The following SEC24A variants were observed in gnomAD, a reference collection of about 807,000 sequenced individuals.
The protein encoded by SEC24A is protein transport protein Sec24A.
A neutral mutation model predicts 129.4 loss-of-function variants in SEC24A; 93 were observed. The observed-to-expected ratio is 0.72, with a 90% CI of 0.61 to 0.85. The LOEUF (loss-of-function observed/expected upper bound fraction) is 0.85, where lower values mean the gene tolerates loss of function less well. Ranked by LOEUF, SEC24A falls within the 40% of genes least tolerant of loss-of-function variation. SEC24A has a pLI of 0.00. For synonymous variants in SEC24A, 460 were observed against 467.3 expected (o/e 0.98, Z 0.20); for missense variants, 1,264 against 1,307.4 (o/e 0.97, Z 0.51).
At chr5:134,697,442 A>C (rs1250813530) in intron 14 of SEC24A, among the ~76,000 whole-genome samples, 196 bp downstream of exon 14, 2 of 152,170 alleles carry the variant, frequency 1.3e-5, no homozygotes, top group Non-Finnish European at 2.9e-5. Context: ...CTATTCTACT[A>C]TTTAAAGGAA....
At position 134,682,453 on chromosome 5, in the gene SEC24A, A is replaced by T. The variant is rs1330174364; in HGVS notation, c.1462A>T (p.Ile488Phe). The T allele has an allele frequency of 6.3e-7, 1 of 1,599,904 alleles. No individual in the cohort carries two copies. Among genetic ancestry groups the T allele is most frequent in the African/African-American group, 1.3e-5 (1 of 74,634 alleles). Reference protein sequence around the residue: ...HRRPEVQNATIEFMAPSEYML... With the variant: ...HRRPEVQNATFEFMAPSEYML... ...AAGACCAGAAGTTCAAAATGCTACT[A>T]TTGAGTTTATGGCTCCTTCAGAATA... Residue 488 changes from isoleucine to phenylalanine, a missense_variant, in exon 9 of 23, where the codon ATT (isoleucine) becomes TTT (phenylalanine). Coordinates refer to ENST00000398844, the MANE Select transcript of SEC24A (RefSeq NM_021982.3).
rs1250297400 is a variant in SEC24A, at chr5:134,675,051, T to G, written c.985T>G (p.Leu329Val). The change falls in exon 6 of 23, where the codon TTA becomes GTA. Residue 329 changes from leucine (L) to valine (V), a missense_variant. Physicochemically the swap from Leu to Val is conservative, Grantham distance 32 (BLOSUM62 1). Transcript: ENST00000398844. ...SGPQAFTQTP[L>V]GANHLTTSMS... ...TAAAATTATGTATCTGTAGACTCCC[T>G]TAGGTGCTAATCATTTAACCACAAG... is the stretch of plus-strand genomic sequence containing the variant. The G allele has an allele frequency of 6.3e-7, 1 of 1,598,928 alleles. No individual in the cohort carries two copies. The highest frequency in any genetic ancestry group is 2.2e-5 in the East Asian group (1 of 44,564).
chr5:134,689,472 G>A (rs1261251312), intron 11 of SEC24A, among the ~76,000 whole-genome samples: 4 of 152,124 alleles, frequency 2.6e-5, no homozygotes, highest in Non-Finnish European at 4.4e-5. Context: ...TGGTATAAAC[G>A]TATAATGGGG....
rs535825686 is a variant in SEC24A at position 134,651,797 on chromosome 5, CAG to C, written c.97+2629_97+2630del. Among the ~76,000 whole-genome samples the C allele has an allele frequency of 2.4e-3, 367 of 151,842 alleles. 1 individual carries two copies. The highest frequency in any genetic ancestry group is 8.4e-3 in the African/African-American group (348 of 41,432). On this transcript the variant is annotated intron_variant, in intron 1 of 22. Coordinates refer to ENST00000398844, the MANE Select transcript of SEC24A (RefSeq NM_021982.3). Reference sequence around the variant, plus strand: ...TTTATTGTTCATCCTGCTAATAATACAGAGAGTAGGGATATGGTATCAAGTTG... The same window carrying C: ...TTTATTGTTCATCCTGCTAATAATACAGAGTAGGGATATGGTATCAAGTTG...
At position 134,726,109 on chromosome 5, in the gene SEC24A, C is replaced by G. The variant is rs1031291279; in HGVS notation, c.*1015C>G. The G allele has an allele frequency of 6.6e-6, 1 of 152,422 alleles. No individual in the cohort carries two copies. The highest frequency in any genetic ancestry group is 2.4e-5 in the African/African-American group (1 of 41,402). 9.4% of individuals were successfully genotyped at this position (152,422 alleles called of 1,614,324 possible). On this transcript the variant is annotated 3_prime_UTR_variant, in exon 23 of 23. Transcript: ENST00000398844. ...AAAATCTATGAAAGCATAAATGCTG[C>G]TGTTTGATTTGGTGGATATTAAGAT...
chr5:134,679,735 GA>G lies in SEC24A; in HGVS notation c.1381+8del. The G allele has an allele frequency of 6.4e-7, 1 of 1,560,992 alleles. No homozygotes were observed. Among genetic ancestry groups the G allele is most frequent in the Non-Finnish European group, 8.7e-7 (1 of 1,146,752 alleles). The stretch of plus-strand genomic sequence containing the variant: ...TGTTATCGAGTCAATGATGGTATGG[GA>G]TGCTTTTTTGAAACATTTAAACGTT... On this transcript the variant is annotated splice_region_variant and intron_variant, in intron 8 of 22. Coordinates refer to ENST00000398844, the MANE Select transcript of SEC24A (RefSeq NM_021982.3).
At chr5:134,690,747 G>T (rs1428366360) in intron 11 of SEC24A, among the ~76,000 whole-genome samples, 1 of 152,210 alleles carries the variant, frequency 6.6e-6, no homozygotes, top group Non-Finnish European at 1.5e-5. Context: ...TTGAATAAAT[G>T]TGAATCCTGA....
rs759312369 is a variant in SEC24A, at chr5:134,666,901, C to T, written c.644C>T (p.Ala215Val). ...QPGAPHGPPP[A>V]GGPPPVRALT... ...GGAGCTCCTCATGGGCCCCCTCCAG[C>T]TGGAGGCCCACCCCCAGTGAGGGCC... Residue 215 changes from alanine (A) to valine (V), a missense_variant, in exon 3 of 23, where the codon GCT (alanine) becomes GTT (valine). Transcript: ENST00000398844. 34 of 1,613,844 alleles carry T rather than the reference C, an allele frequency of 2.1e-5. No individual in the cohort carries two copies. The African/African-American group carries it at 4.5e-4, about 22-fold the overall frequency.
At chr5:134,703,328 C>T (rs1262191010) in intron 15 of SEC24A, among the ~76,000 whole-genome samples, 5 of 151,926 alleles carry the variant, frequency 3.3e-5, no homozygotes, top group African/African-American at 1.2e-4. Flanking sequence ...AGTGCAGTGG[C>T]GCAATCTTAG....
chr5:134,721,588 T>TATGC (rs1167460039), intron 21 of SEC24A, among the ~76,000 whole-genome samples: 1 of 147,022 alleles, frequency 6.8e-6, no homozygotes, highest in East Asian at 2.0e-4. Context: ...AAAAGATAGA[T>TATGC]ATGCCAGGCG....
chr5:134,674,499 T>G lies in SEC24A; in HGVS notation c.818-116T>G, dbSNP rs907903941. On this transcript the variant is annotated intron_variant, in intron 4 of 22. Transcript: ENST00000398844. ...CTGCAGTGAGGTGTGATTGCACCAC[T>G]GCACTGCAGCCTGGGCAATAGTGAG... 3 of 856,168 alleles carry G rather than the reference T, an allele frequency of 3.5e-6. No individual in the cohort carries two copies. The East Asian group carries it at 8.1e-5, about 23-fold the overall frequency. 53.0% of individuals were successfully genotyped at this position (856,168 alleles called of 1,614,324 possible).
At chr5:134,697,607 C>A (rs1751867425) in intron 14 of SEC24A, among the ~76,000 whole-genome samples, 1 of 151,964 alleles carries the variant, frequency 6.6e-6, no homozygotes, top group Admixed American at 6.6e-5. Flanking sequence ...AAATAAAAAA[C>A]TAGCCAGACA....
intron 1 of SEC24A, among the ~76,000 whole-genome samples, chr5:134,659,147 C>T (rs1393544653): frequency 2.6e-5 from 4 of 151,586 alleles, no homozygotes; most frequent in African/African-American, 9.7e-5. Flanking sequence ...TGTTGGCTCA[C>T]TGCAAGCTCT....
Position 134,657,985 on chromosome 5 carries a change from A to G in SEC24A, c.98-3134A>G, listed in dbSNP as rs1191130814. Among the ~76,000 whole-genome samples the G allele has an allele frequency of 2.6e-5, 4 of 152,282 alleles. No homozygotes were observed. In the East Asian group the frequency reaches 5.8e-4, roughly 22 times the overall value. ...AACCAAACATTAAAAATATCAACAT[A>G]TGGCTGGGCATGGTGGCTCACGCCT... is the stretch of plus-strand genomic sequence containing the variant. On this transcript the variant is annotated intron_variant, in intron 1 of 22. Transcript: ENST00000398844.
At chr5:134,684,186 C>G (rs1376316394) in intron 9 of SEC24A, among the ~76,000 whole-genome samples, 3 of 151,494 alleles carry the variant, frequency 2.0e-5, no homozygotes. Flanking sequence ...GCCTGTAATC[C>G]CAGCTACTTG....
At chr5:134,679,750 C>T (rs1751198803) in intron 8 of SEC24A, 22 bp downstream of exon 8, 12 of 1,527,628 alleles carry the variant, frequency 7.9e-6, no homozygotes, top group Non-Finnish European at 1.1e-5. Context: ...TTTTTTGAAA[C>T]ATTTAAACGT....
chr5:134,650,381 T>C (rs961395874), intron 1 of SEC24A, among the ~76,000 whole-genome samples: 2 of 152,206 alleles, frequency 1.3e-5, no homozygotes, highest in Non-Finnish European at 2.9e-5. Context: ...ACATTAACTT[T>C]AAATGACAAA....
chr5:134,675,273 G>C, intron 6 of SEC24A, 56 bp downstream of exon 6: 1 of 1,356,102 alleles, frequency 7.4e-7, no homozygotes, highest in South Asian at 1.3e-5. Context: ...GCTTTTTGCA[G>C]GGGGCACATC....
chr5:134,694,005 T>G, intron 13 of SEC24A, 72 bp downstream of exon 13: 1 of 1,275,022 alleles, frequency 7.8e-7, no homozygotes, highest in South Asian at 1.3e-5. Context: ...AACTTGTTTT[T>G]TCTTTAAATT....
Sources: allele counts gnomAD v4.1 joint callset (sites outside exome capture counted in the v4.1 genomes callset), GRCh38; gene constraint gnomAD v4.1.1; transcripts MANE v1.5; gene names NCBI Gene and HGNC (gene_info 2026-07-23, HGNC 2026-07-21).